The following LPIN2 variants were observed in gnomAD, a reference collection of about 807,000 sequenced individuals.
LPIN2 encodes the protein lipin 2, also known as phosphatidate phosphatase LPIN2.
Under a neutral mutation model 111.4 loss-of-function variants are expected in LPIN2, and 55 were observed. The ratio of observed to expected loss-of-function variants is 0.49; its 90% CI spans 0.40 to 0.62. The LOEUF (loss-of-function observed/expected upper bound fraction) is 0.62, where lower values mean the gene tolerates loss of function less well. Among genes scored for constraint, LPIN2 ranks in the 20% least tolerant of loss-of-function variants. The probability of loss-of-function intolerance (pLI) is 0.00; values close to 1 mark genes in which losing one functional copy is unlikely to be tolerated. For missense variants in LPIN2, 992 were observed against 1,112.1 expected (o/e 0.89, Z 1.54); for synonymous variants, 425 against 414.0 (o/e 1.03, Z -0.32).
At chr18:3,001,588 T>C (rs1308474728) in intron 1 of LPIN2, among the ~76,000 whole-genome samples, 2 of 151,584 alleles carry the variant, frequency 1.3e-5, no homozygotes, top group African/African-American at 4.8e-5. Flanking sequence ...TCTTGCAGCG[T>C]AGGAAATCAA....
intron 1 of LPIN2, among the ~76,000 whole-genome samples, chr18:2,965,225 C>A (rs890637847): frequency 6.6e-6 from 1 of 151,994 alleles, no homozygotes; most frequent in East Asian, 1.9e-4. Flanking sequence ...AAATTCAATA[C>A]GCCAAATTAG....
intron 7 of LPIN2, among the ~76,000 whole-genome samples, 170 bp downstream of exon 7, chr18:2,937,522 G>T (rs1460894494): frequency 7.0e-6 from 1 of 143,370 alleles, no homozygotes; most frequent in African/African-American, 2.7e-5. Flanking sequence ...TCCAGCCTGG[G>T]TAACAAGAGC....
intron 1 of LPIN2, among the ~76,000 whole-genome samples, chr18:2,981,616 G>A (rs949771181): frequency 2.6e-5 from 4 of 152,182 alleles, no homozygotes; most frequent in African/African-American, 9.7e-5. Context: ...AAATGTGAGT[G>A]AGCCAATATG....
chr18:2,940,415 G>A (rs2077352867), intron 5 of LPIN2, among the ~76,000 whole-genome samples, 190 bp downstream of exon 5: 1 of 152,170 alleles, frequency 6.6e-6, no homozygotes, highest in South Asian at 2.1e-4. Flanking sequence ...CACTGTTAGA[G>A]TAAGTCAGAT....
At chr18:2,966,435 T>C (rs1381894143) in intron 1 of LPIN2, among the ~76,000 whole-genome samples, 1 of 152,214 alleles carries the variant, frequency 6.6e-6, no homozygotes, top group Non-Finnish European at 1.5e-5. Flanking sequence ...CAGATACCCA[T>C]GGATTTGGTA....
chr18:2,945,995 GTACTCCAGAATGATA>G, intron 4 of LPIN2: 2 of 1,388,428 alleles, frequency 1.4e-6, no homozygotes, highest in Non-Finnish European at 2.0e-6. Context: ...TGGAAAATAG[GTACTCCAGAATGATA>G]TACACAGACT....
chr18:2,948,847 T>G (rs1263996079), intron 4 of LPIN2, among the ~76,000 whole-genome samples: 1 of 151,798 alleles, frequency 6.6e-6, no homozygotes, highest in South Asian at 2.1e-4. Context: ...AGAGTCTTGC[T>G]CTGTCACCTG....
intron 1 of LPIN2, among the ~76,000 whole-genome samples, chr18:3,011,147 T>C (rs1195514055): frequency 6.6e-6 from 1 of 152,178 alleles, no homozygotes; most frequent in East Asian, 1.9e-4. Context: ...TACAGGGCGA[T>C]GAGAACTTCT....
At chr18:2,995,065 C>G (rs1242612971) in intron 1 of LPIN2, among the ~76,000 whole-genome samples, 1 of 152,150 alleles carries the variant, frequency 6.6e-6, no homozygotes, top group African/African-American at 2.4e-5. Context: ...TAGCAGGGTT[C>G]AGAGCACCTG....
At chr18:2,989,692 G>A (rs775413205) in intron 1 of LPIN2, among the ~76,000 whole-genome samples, 9 of 152,104 alleles carry the variant, frequency 5.9e-5, no homozygotes, top group Middle Eastern at 3.2e-3. Context: ...AGGCCAATGC[G>A]GGCAGAACAC....
At chr18:2,921,049 C>T in intron 18 of LPIN2, 168 bp from the exon 19 acceptor site, 1 of 677,212 alleles carries the variant, frequency 1.5e-6, no homozygotes, top group Non-Finnish European at 2.7e-6. Context: ...ACCTAAACTA[C>T]AGAGTGGTGC....
At chr18:2,982,789 GTCT>G in intron 1 of LPIN2, 4 of 1,167,528 alleles carry the variant, frequency 3.4e-6, no homozygotes, top group Non-Finnish European at 4.6e-6. Context: ...TAACTAGCAT[GTCT>G]TTTTTCAGAG....
intron 1 of LPIN2, chr18:2,977,267 ACC>A (rs1277374049): frequency 6.6e-6 from 1 of 151,926 alleles, no homozygotes; most frequent in East Asian, 1.9e-4. Flanking sequence ...GCTAAAATGA[ACC>A]CTGTGGTGCT....
chr18:3,005,834 T>G (rs2078507287), intron 1 of LPIN2, among the ~76,000 whole-genome samples: 1 of 152,178 alleles, frequency 6.6e-6, no homozygotes, highest in African/African-American at 2.4e-5. Context: ...GAGACCAACC[T>G]GGGCAACACA....
intron 5 of LPIN2, 95 bp from the exon 6 acceptor site, chr18:2,939,698 T>G: frequency 7.2e-7 from 1 of 1,392,964 alleles, no homozygotes; most frequent in Non-Finnish European, 9.9e-7. Flanking sequence ...TCTGAATATC[T>G]TGACTTTATC....
In LPIN2 at chr18:2,960,127, A is replaced by T. The variant is rs533069025; in HGVS notation, c.192+522T>A. 4.0e-3 allele frequency among the ~76,000 whole-genome samples: 610 copies of T among 151,610 alleles called. 2 individuals carry two copies. Among genetic ancestry groups the T allele is most frequent in the Middle Eastern group, 0.014 (4 of 292 alleles). Reference sequence around the variant, plus strand: ...GGAGGTTGCAGTGAGCCAAGATCACACCGCTGTACTCCAGCCTGGACAGCA... The same window carrying T: ...GGAGGTTGCAGTGAGCCAAGATCACTCCGCTGTACTCCAGCCTGGACAGCA... On this transcript the variant is annotated intron_variant, in intron 2 of 19. Coordinates refer to ENST00000677752, the MANE Select transcript of LPIN2 (RefSeq NM_001375808.2).
chr18:2,974,889 C>T (rs888432023), intron 1 of LPIN2, among the ~76,000 whole-genome samples: 5 of 152,168 alleles, frequency 3.3e-5, no homozygotes, highest in African/African-American at 7.2e-5. Flanking sequence ...CCAGCTACTC[C>T]GGAGGCTGAG....
At chr18:2,955,395 ACACAAAGG>A (rs2077594665) in intron 2 of LPIN2, among the ~76,000 whole-genome samples, 2 of 36,030 alleles carry the variant, frequency 5.6e-5, no homozygotes, top group Non-Finnish European at 2.0e-4. Context: ...TGGGGGTGCC[ACACAAAGG>A]TGCCACACAC....
intron 1 of LPIN2, among the ~76,000 whole-genome samples, chr18:2,984,866 T>C (rs2078164914): frequency 6.6e-6 from 1 of 151,940 alleles, no homozygotes; most frequent in South Asian, 2.1e-4. Flanking sequence ...AGAAAGAACA[T>C]GCTGGGGATC....
Sources: allele counts gnomAD v4.1 joint callset (sites outside exome capture counted in the v4.1 genomes callset), GRCh38; gene constraint gnomAD v4.1.1; transcripts MANE v1.5; gene names NCBI Gene and HGNC (gene_info 2026-07-23, HGNC 2026-07-21).